The following CSMD1 variants were observed in gnomAD, a reference collection of about 807,000 sequenced individuals.
CSMD1 encodes CUB and Sushi multiple domains 1.
In CSMD1, 213 loss-of-function variants were observed where a neutral mutation model predicts 417.5. That is an observed-to-expected ratio of 0.51 (90% CI 0.46 to 0.57). The LOEUF is 0.57. Among genes scored for constraint, CSMD1 ranks in the 20% least tolerant of loss-of-function variants. CSMD1 has a pLI of 0.00. For synonymous variants in CSMD1, 2,862 were observed against 1,736.8 expected (o/e 1.65, Z -16.11); for missense variants, 6,923 against 4,529.7 (o/e 1.53, Z -15.17).
At chr8:4,206,541 T>C (rs923009253) in intron 3 of CSMD1, among the ~76,000 whole-genome samples, 3 of 152,304 alleles carry the variant, frequency 2.0e-5, no homozygotes, top group South Asian at 4.1e-4. Flanking sequence ...CTGCCTAGTA[T>C]TCCATGGTGT....
intron 5 of CSMD1, among the ~76,000 whole-genome samples, chr8:3,906,273 A>G (rs571679099): frequency 6.9e-6 from 1 of 144,264 alleles, no homozygotes; most frequent in Admixed American, 7.3e-5. Context: ...GCTGCTTCAA[A>G]TAAAATCAAT....
rs146710953 is a variant in CSMD1, at chr8:3,401,554, T to A, written c.2267-2025A>T. On this transcript the variant is annotated intron_variant, in intron 15 of 69. Coordinates refer to ENST00000635120, the MANE Select transcript of CSMD1 (RefSeq NM_033225.6). ...AAGTAAGTAAATAGTAAGTAATAAG[T>A]TTGTATTAGTCAGTTTGGATTAGAT... Among the ~76,000 whole-genome samples the A allele has an allele frequency of 4.9e-3, 745 of 152,180 alleles. 7 individuals carry two copies. Among genetic ancestry groups the A allele is most frequent in the African/African-American group, 0.017 (718 of 41,506 alleles).
intron 1 of CSMD1, among the ~76,000 whole-genome samples, chr8:4,930,635 G>A (rs530364943): frequency 6.6e-6 from 1 of 152,250 alleles, no homozygotes; most frequent in Admixed American, 6.5e-5. Context: ...CCAAAGACTG[G>A]TTCCTACCAA....
chr8:4,135,803 T>C (rs1003266355), intron 3 of CSMD1, among the ~76,000 whole-genome samples: 1 of 152,180 alleles, frequency 6.6e-6, no homozygotes, highest in African/African-American at 2.4e-5. Context: ...ATCTAGTTAA[T>C]ATCCATTTTT....
chr8:3,994,246 CTT>C (rs3031522), intron 5 of CSMD1, among the ~76,000 whole-genome samples: 27,367 of 151,962 alleles, frequency 0.18, 2,942 homozygotes, highest in Non-Finnish European at 0.24. Flanking sequence ...AAGCCTGTTT[CTT>C]TTGTTATATA....
At chr8:4,361,626 G>T (rs1431824183) in intron 3 of CSMD1, among the ~76,000 whole-genome samples, 1 of 152,138 alleles carries the variant, frequency 6.6e-6, no homozygotes, top group East Asian at 1.9e-4. Flanking sequence ...CTGCTTTGCT[G>T]TCCCTTTTGT....
Position 3,409,404 on chromosome 8 carries a change from G to C in CSMD1, c.1744+19C>G, listed in dbSNP as rs372326255. The C allele has an allele frequency of 3.1e-6, 5 of 1,594,706 alleles. No homozygotes were observed. The Admixed American group carries it at 6.9e-5, about 22-fold the overall frequency. ...CCTTGCAGGACAGGAGGGAGTCCAG[G>C]TCAAGGCATAATACTCACATACACA... On this transcript the variant is annotated intron_variant, in intron 13 of 69. Transcript: ENST00000635120.
intron 1 of CSMD1, among the ~76,000 whole-genome samples, chr8:4,865,493 C>A (rs1017855860): frequency 6.6e-6 from 1 of 151,530 alleles, no homozygotes; most frequent in African/African-American, 2.4e-5. Flanking sequence ...TAGGTTTCCT[C>A]GTACTTTAAA....
At chr8:3,838,238 A>C (rs755402191) in intron 5 of CSMD1, among the ~76,000 whole-genome samples, 12 of 152,056 alleles carry the variant, frequency 7.9e-5, no homozygotes, top group Non-Finnish European at 1.5e-4. Context: ...TACAACCTGC[A>C]GTCAGAAATT....
chr8:4,087,572 T>A (rs1800484714), intron 3 of CSMD1, among the ~76,000 whole-genome samples: 1 of 152,172 alleles, frequency 6.6e-6, no homozygotes, highest in African/African-American at 2.4e-5. Flanking sequence ...CCTTATACAC[T>A]TGATTTCATT....
intron 3 of CSMD1, among the ~76,000 whole-genome samples, chr8:4,123,708 T>C (rs978683630): frequency 1.3e-5 from 2 of 152,206 alleles, no homozygotes; most frequent in Non-Finnish European, 2.9e-5. Flanking sequence ...TTATCACATT[T>C]GGAAGAAGTC....
chr8:4,150,889 CTG>C, intron 3 of CSMD1, among the ~76,000 whole-genome samples: 1 of 2,542 alleles, frequency 3.9e-4, no homozygotes, highest in African/African-American at 5.9e-4. Flanking sequence ...TGAGAAACGC[CTG>C]AGAAAGAGCA....
At chr8:4,989,947 C>T (rs13267577) in intron 1 of CSMD1, among the ~76,000 whole-genome samples, 41,069 of 152,122 alleles carry the variant, frequency 0.27, 6,747 homozygotes, top group Middle Eastern at 0.44. Context: ...CCGGGAGGAG[C>T]TGCTTTCGCC....
intron 5 of CSMD1, among the ~76,000 whole-genome samples, chr8:3,805,587 A>T (rs1800686201): frequency 6.6e-6 from 1 of 152,148 alleles, no homozygotes; most frequent in South Asian, 2.1e-4. Context: ...ACCTTTCTGA[A>T]TCAGTTTTCC....
At chr8:3,391,424 A>C (rs1465952819) in intron 17 of CSMD1, among the ~76,000 whole-genome samples, 1 of 152,194 alleles carries the variant, frequency 6.6e-6, no homozygotes, top group Non-Finnish European at 1.5e-5. Context: ...ATTTCTTACA[A>C]AATTATGACA....
At chr8:3,398,413 G>T (rs1422592153) in intron 16 of CSMD1, among the ~76,000 whole-genome samples, 2 of 152,038 alleles carry the variant, frequency 1.3e-5, no homozygotes, top group Admixed American at 1.3e-4. Context: ...TTTGTCAGAA[G>T]CAAGTGAAAA....
chr8:4,362,873 C>T (rs1263145893), intron 3 of CSMD1, among the ~76,000 whole-genome samples: 1 of 152,088 alleles, frequency 6.6e-6, no homozygotes, highest in Admixed American at 6.5e-5. Context: ...AAATTCATGG[C>T]TCATCTGAGT....
intron 3 of CSMD1, among the ~76,000 whole-genome samples, chr8:4,123,510 G>T (rs1273178155): frequency 6.6e-6 from 1 of 152,188 alleles, no homozygotes; most frequent in Non-Finnish European, 1.5e-5. Context: ...ATTCGGGACT[G>T]TGTTTTCTTT....
chr8:3,683,496 C>T (rs1422276282), intron 7 of CSMD1, among the ~76,000 whole-genome samples: 1 of 152,106 alleles, frequency 6.6e-6, no homozygotes, highest in Non-Finnish European at 1.5e-5. Context: ...TACCTGTCAG[C>T]CCTCCTCTCA....
Sources: gnomAD v4.1 joint callset for allele counts (sites outside exome capture counted in the v4.1 genomes callset) on GRCh38, gnomAD v4.1.1 for gene constraint, MANE v1.5 for transcripts, NCBI Gene and HGNC (gene_info 2026-07-23, HGNC 2026-07-21) for gene names.